The following ECT2L variants were observed in gnomAD, a reference collection of about 807,000 sequenced individuals.
ECT2L encodes the protein epithelial cell transforming 2 like.
In ECT2L, 126 loss-of-function variants were observed where a neutral mutation model predicts 122.8. The ratio of observed to expected loss-of-function variants is 1.03; its 90% CI spans 0.89 to 1.19. The LOEUF is 1.19. ECT2L is among the 50% of genes most tolerant of loss of function. The pLI is 0.00. For missense variants in ECT2L, 1,012 were observed against 1,064.1 expected, an observed-to-expected ratio of 0.95 and a Z score of 0.68; for synonymous variants, 385 against 381.8, an observed-to-expected ratio of 1.01 and a Z score of -0.10.
chr6:138,834,428 A>T (rs1405147576), intron 4 of ECT2L, among the ~76,000 whole-genome samples: 1 of 152,154 alleles, frequency 6.6e-6, no homozygotes, highest in Non-Finnish European at 1.5e-5. Flanking sequence ...ATAGGAACAA[A>T]TATAAAACAT....
At chr6:138,876,628 G>T in intron 14 of ECT2L, 70 bp downstream of exon 14, 8 of 932,908 alleles carry the variant, frequency 8.6e-6, no homozygotes, top group South Asian at 3.8e-5. Flanking sequence ...CCTTTATTCT[G>T]GTTAGTTCTT....
chr6:138,890,492 C>T (rs1028031223), intron 20 of ECT2L, among the ~76,000 whole-genome samples: 53 of 78,970 alleles, frequency 6.7e-4, no homozygotes, highest in East Asian at 1.9e-3. Flanking sequence ...TTTCTTTGAT[C>T]TTTTTTTTTT....
At chr6:138,865,786 G>A (rs1462072290) in intron 12 of ECT2L, among the ~76,000 whole-genome samples, 2 of 152,170 alleles carry the variant, frequency 1.3e-5, no homozygotes, top group Non-Finnish European at 2.9e-5. Context: ...TAGGTAAAGA[G>A]TTTTTCTTTT....
Position 138,820,178 on chromosome 6 carries a change from G to A in ECT2L, c.179+5575G>A, listed in dbSNP as rs11961280. On this transcript the variant is annotated intron_variant, in intron 4 of 21. Coordinates refer to ENST00000541398, the MANE Select transcript of ECT2L (RefSeq NM_001077706.3). Reference sequence around the variant, plus strand: ...CCCCCACCCTACCAAGGGTGGGTCAGGGTTGGACTAAATTCATCATGATCA... The same window carrying A: ...CCCCCACCCTACCAAGGGTGGGTCAAGGTTGGACTAAATTCATCATGATCA... Among the ~76,000 whole-genome samples, 261 of 152,288 alleles carry A rather than the reference G, an allele frequency of 1.7e-3. 1 individual carries two copies. The highest frequency in any genetic ancestry group is 5.9e-3 in the African/African-American group (245 of 41,554).
intron 9 of ECT2L, among the ~76,000 whole-genome samples, chr6:138,852,159 G>A (rs1777471699): frequency 6.6e-6 from 1 of 152,196 alleles, no homozygotes; most frequent in Non-Finnish European, 1.5e-5. Flanking sequence ...ACACACCTCT[G>A]TAGTCCCAGC....
At chr6:138,801,204 A>G (rs9321674) in intron 1 of ECT2L, among the ~76,000 whole-genome samples, 28,625 of 152,182 alleles carry the variant, frequency 0.19, 3,200 homozygotes, top group Middle Eastern at 0.32. Flanking sequence ...CCATTTACTC[A>G]TTCAGCAAAT....
At chr6:138,842,230 G>A (rs746467345) in intron 5 of ECT2L, among the ~76,000 whole-genome samples, 20 of 152,128 alleles carry the variant, frequency 1.3e-4, no homozygotes, top group Admixed American at 2.6e-4. Flanking sequence ...AGGCTGAAGC[G>A]GGAGGATCAC....
rs2128393129 is a variant in ECT2L, at chr6:138,849,409, C to T, written c.1044C>T (p.Asp348=). The T allele has an allele frequency of 6.2e-7, 1 of 1,613,554 alleles. No individual in the cohort carries two copies. Among genetic ancestry groups the T allele is most frequent in the South Asian group, 1.1e-5 (1 of 90,982 alleles). ...AQSIGIFSDG[D]SREINLLQGY... ...GCATCGGAATATTTAGCGATGGAGA[C>T]AGCAGAGAAATCAATTTACTCCAAG... Residue 348 remains aspartate (D), a synonymous_variant, in exon 9 of 22, where the codon GAC becomes GAT. Coordinates refer to ENST00000541398, the MANE Select transcript of ECT2L (RefSeq NM_001077706.3).
At chr6:138,844,073 C>G (rs992037955) in intron 6 of ECT2L, among the ~76,000 whole-genome samples, 1 of 152,138 alleles carries the variant, frequency 6.6e-6, no homozygotes, top group African/African-American at 2.4e-5. Context: ...TCCCACTAAC[C>G]CTCTGGTGAG....
intron 10 of ECT2L, among the ~76,000 whole-genome samples, chr6:138,861,239 T>C (rs1221100844): frequency 6.6e-6 from 1 of 152,214 alleles, no homozygotes; most frequent in Non-Finnish European, 1.5e-5. Context: ...TTTGGGTATA[T>C]ACCCAGTAAT....
At chr6:138,854,265 C>T in intron 10 of ECT2L, 111 bp downstream of exon 10, 1 of 1,301,020 alleles carries the variant, frequency 7.7e-7, no homozygotes, top group Non-Finnish European at 1.0e-6. Flanking sequence ...TTTCACGCTT[C>T]AATTTCTTTT....
chr6:138,865,143 AG>A lies in ECT2L; in HGVS notation c.1441del (p.Glu481AsnfsTer10). ...TVRKQLYPFF[K>X]ELQKSISGRM... is the part of the protein sequence containing the mutation. ...AGGAAGCAGCTGTATCCTTTCTTCA[AG>A]GAACTGCAGAAGAGCATCAGTGGCA... On this transcript the variant is annotated frameshift_variant, in exon 12 of 22. Coordinates refer to ENST00000541398, the MANE Select transcript of ECT2L (RefSeq NM_001077706.3). LOFTEE classifies it high-confidence loss of function. The A allele has an allele frequency of 1.2e-6, 2 of 1,613,534 alleles. No homozygotes were observed. Among genetic ancestry groups the A allele is most frequent in the South Asian group, 1.1e-5 (1 of 90,970 alleles).
intron 5 of ECT2L, among the ~76,000 whole-genome samples, chr6:138,841,105 TTTAA>T (rs936976981): frequency 7.9e-5 from 12 of 152,330 alleles, no homozygotes; most frequent in African/African-American, 2.9e-4. Flanking sequence ...AGAATATTGA[TTTAA>T]TTCTTTTGCC....
chr6:138,798,119 G>A lies in ECT2L; in HGVS notation c.-244+1927G>A, dbSNP rs369659218. Among the ~76,000 whole-genome samples the A allele has an allele frequency of 1.9e-3, 289 of 152,278 alleles. 1 individual carries two copies. The highest frequency in any genetic ancestry group is 0.014 in the Admixed American group (219 of 15,292). ...GTGGGCAAGGGTGTGGAACTTCCAT[G>A]CCTTCTCAGCCCCTCCACATGTTCA... On this transcript the variant is annotated intron_variant, in intron 1 of 21. Coordinates refer to ENST00000541398, the MANE Select transcript of ECT2L (RefSeq NM_001077706.3).
chr6:138,829,022 A>ATTT (rs61589748), intron 4 of ECT2L, among the ~76,000 whole-genome samples: 1 of 123,584 alleles, frequency 8.1e-6, no homozygotes, highest in Admixed American at 8.6e-5. Flanking sequence ...TAAGTTTAAA[A>ATTT]TTTTTTTTTT....
chr6:138,805,525 G>C (rs1290062155), intron 1 of ECT2L, among the ~76,000 whole-genome samples: 1 of 152,182 alleles, frequency 6.6e-6, no homozygotes, highest in East Asian at 1.9e-4. Context: ...TCTATGGGTT[G>C]GCTGGCCTCA....
At chr6:138,835,853 G>C (rs1410355353) in intron 4 of ECT2L, among the ~76,000 whole-genome samples, 1 of 152,174 alleles carries the variant, frequency 6.6e-6, no homozygotes, top group Non-Finnish European at 1.5e-5. Context: ...ATCCAGCCCA[G>C]GGTTATCTAC....
At chr6:138,825,153 A>C (rs1776401381) in intron 4 of ECT2L, among the ~76,000 whole-genome samples, 1 of 152,174 alleles carries the variant, frequency 6.6e-6, no homozygotes, top group African/African-American at 2.4e-5. Flanking sequence ...CTGGAGTCTG[A>C]AGGATGAGTA....
chr6:138,836,145 A>G (rs1194552790), intron 4 of ECT2L, among the ~76,000 whole-genome samples: 1 of 152,160 alleles, frequency 6.6e-6, no homozygotes, highest in Non-Finnish European at 1.5e-5. Flanking sequence ...TGGTTAAGAT[A>G]GCTAATTAAG....
Sources: gnomAD v4.1 joint callset for allele counts (sites outside exome capture counted in the v4.1 genomes callset) on GRCh38, gnomAD v4.1.1 for gene constraint, MANE v1.5 for transcripts, NCBI Gene and HGNC (gene_info 2026-07-23, HGNC 2026-07-21) for gene names.